Variants in MPP7 observed in about 807,000 individuals in gnomAD.
MPP7 encodes the protein MAGUK p55 scaffold protein 7.
MPP7 carries 60 observed loss-of-function variants against 76.5 expected under a neutral mutation model. The observed-to-expected ratio is 0.78, with a 90% confidence interval of 0.64 to 0.97. The LOEUF (loss-of-function observed/expected upper bound fraction) is 0.97. MPP7 is among the 50% of genes least tolerant of loss of function. The pLI, the probability that MPP7 is intolerant of heterozygous loss-of-function variation, is 0.00. For missense variants in MPP7, 641 were observed against 694.0 expected (o/e 0.92, Z 0.86); for synonymous variants, 237 against 244.5 (o/e 0.97, Z 0.29).
At chr10:28,097,748 T>C (rs1853637197) in intron 11 of MPP7, among the ~76,000 whole-genome samples, 1 of 152,076 alleles carries the variant, frequency 6.6e-6, no homozygotes, top group Non-Finnish European at 1.5e-5. Context: ...GTTTTCCAAA[T>C]AAGGAAATAA....
At chr10:28,191,769 T>C (rs934383744) in intron 3 of MPP7, among the ~76,000 whole-genome samples, 4 of 152,202 alleles carry the variant, frequency 2.6e-5, no homozygotes, top group Non-Finnish European at 4.4e-5. Context: ...AGTAAATTAA[T>C]GTAATCTATC....
intron 1 of MPP7, among the ~76,000 whole-genome samples, chr10:28,245,474 T>A (rs184478082): frequency 2.6e-5 from 4 of 152,232 alleles, no homozygotes; most frequent in Admixed American, 1.3e-4. Flanking sequence ...TATAGGGAGA[T>A]AGCACAGCCT....
At chr10:28,232,491 T>C (rs747784606) in intron 2 of MPP7, among the ~76,000 whole-genome samples, 3 of 152,102 alleles carry the variant, frequency 2.0e-5, no homozygotes, top group East Asian at 1.9e-4. Flanking sequence ...GCCAAAAATA[T>C]AGAAGAAAAA....
At chr10:28,097,275 C>T (rs545538550) in intron 11 of MPP7, among the ~76,000 whole-genome samples, 2 of 152,142 alleles carry the variant, frequency 1.3e-5, no homozygotes, top group African/African-American at 4.8e-5. Flanking sequence ...AGCCACCATA[C>T]CTCGCCTTTC....
intron 2 of MPP7, among the ~76,000 whole-genome samples, chr10:28,213,423 G>A (rs1247695033): frequency 6.6e-6 from 1 of 152,092 alleles, no homozygotes; most frequent in Non-Finnish European, 1.5e-5. Context: ...CCTGAAGATT[G>A]TTTCGCTATT....
intron 1 of MPP7, among the ~76,000 whole-genome samples, chr10:28,246,015 C>T (rs527626897): frequency 7.2e-5 from 11 of 151,914 alleles, no homozygotes; most frequent in South Asian, 4.1e-4. Context: ...GATGAATATA[C>T]GCACTATGGG....
At chr10:28,264,714 G>A (rs903790365) in intron 1 of MPP7, among the ~76,000 whole-genome samples, 3 of 152,162 alleles carry the variant, frequency 2.0e-5, no homozygotes, top group Non-Finnish European at 4.4e-5. Flanking sequence ...CACAGAGCAT[G>A]TGAAGGAAAC....
In MPP7 at chr10:28,120,258, C is replaced by T; in HGVS notation, c.823G>A (p.Ala275Thr). ...GGGTTGGCATCAGCTTCGTGTTTCG[C>T]TTGCCACCAAGTTGCATCATCTTGG... ...MSQDDATWWQ[A>T]KHEADANPRA... The change falls in exon 10 of 17, where the codon GCG becomes ACG. Residue 275 changes from alanine to threonine, a missense_variant. Ala to Thr is a moderately conservative substitution (Grantham distance 58). Coordinates refer to ENST00000683449, the MANE Select transcript of MPP7 (RefSeq NM_001318170.2). 1 of 1,614,020 alleles carries T rather than the reference C, an allele frequency of 6.2e-7. No individual in the cohort carries two copies. Among genetic ancestry groups the T allele is most frequent in the East Asian group, 2.2e-5 (1 of 44,856 alleles).
Position 28,058,603 on chromosome 10 carries a change from C to A in MPP7, c.1299G>T (p.Lys433Asn). 1.3e-6 allele frequency: 2 copies of A among 1,530,658 alleles called. No individual in the cohort carries two copies. The highest frequency in any genetic ancestry group is 1.8e-6 in the Non-Finnish European group (2 of 1,121,244). 94.8% of individuals were successfully genotyped at this position (1,530,658 alleles called of 1,614,324 possible). Residue 433 changes from lysine to asparagine, a missense_variant and splice_region_variant, in exon 15 of 17, where the codon AAG (lysine) becomes AAT (asparagine). Coordinates refer to ENST00000683449, the MANE Select transcript of MPP7 (RefSeq NM_001318170.2). ...HLFETDVQNN[K>N]FIEYGEYKNN... ...TTTTATATTCTCCATATTCAATAAACCTGTAAAAAATTAAATGCATTGGAA... is the reference window on the plus strand; with the variant it reads ...TTTTATATTCTCCATATTCAATAAAACTGTAAAAAATTAAATGCATTGGAA...
chr10:28,140,752 TCTGGAAGAGCTTGAAAG>T (rs1447485738), intron 5 of MPP7, among the ~76,000 whole-genome samples: 1 of 152,062 alleles, frequency 6.6e-6, no homozygotes, highest in Non-Finnish European at 1.5e-5. Context: ...ATGAAGTAAT[TCTGGAAGAGCTTGAAAG>T]CTGGATTAAA....
intron 2 of MPP7, among the ~76,000 whole-genome samples, chr10:28,205,028 C>A (rs1837905980): frequency 6.6e-6 from 1 of 152,124 alleles, no homozygotes; most frequent in African/African-American, 2.4e-5. Context: ...AACCAGAGTT[C>A]TCTGGTTTTT....
intron 2 of MPP7, among the ~76,000 whole-genome samples, chr10:28,227,218 A>G (rs1340130308): frequency 6.6e-6 from 1 of 152,220 alleles, no homozygotes; most frequent in African/African-American, 2.4e-5. Flanking sequence ...TCCCAAAAAG[A>G]AGGTTTTCCC....
chr10:28,070,346 C>T (rs980843730), intron 12 of MPP7, among the ~76,000 whole-genome samples: 1 of 152,134 alleles, frequency 6.6e-6, no homozygotes, highest in African/African-American at 2.4e-5. Context: ...TTGCAGTGAG[C>T]CGAGATCGCG....
chr10:28,149,973 C>CT lies in MPP7; in HGVS notation c.234+8_234+9insA, dbSNP rs759908084. The CT allele has an allele frequency of 1.9e-6, 3 of 1,611,864 alleles. No individual in the cohort carries two copies. The highest frequency in any genetic ancestry group is 2.5e-6 in the Non-Finnish European group (3 of 1,179,058). On this transcript the variant is annotated intron_variant, in intron 4 of 16. Transcript: ENST00000683449. ...ACACATCCCAGTGAGCTCGGAGAGT[C>CT]ACACTTACATCATCGGCCAAGGCCG... is the stretch of plus-strand genomic sequence containing the variant.
chr10:28,251,923 A>T (rs560376017), intron 1 of MPP7, among the ~76,000 whole-genome samples: 53 of 152,288 alleles, frequency 3.5e-4, no homozygotes, highest in African/African-American at 1.2e-3. Flanking sequence ...ACAACAAAAA[A>T]AAACTTTTTC....
intron 2 of MPP7, among the ~76,000 whole-genome samples, chr10:28,206,916 G>GT (rs1271348807): frequency 6.6e-6 from 1 of 151,720 alleles, no homozygotes; most frequent in African/African-American, 2.4e-5. Flanking sequence ...TCTTTGCAAC[G>GT]TTTTTTTTCT....
chr10:28,125,593 G>A (rs1296270885), intron 6 of MPP7, among the ~76,000 whole-genome samples: 1 of 150,674 alleles, frequency 6.6e-6, no homozygotes. Context: ...AGTTATCATA[G>A]TAAAAAAATA....
At chr10:28,095,302 C>A (rs546664194) in intron 11 of MPP7, among the ~76,000 whole-genome samples, 16 of 150,850 alleles carry the variant, frequency 1.1e-4, no homozygotes, top group Non-Finnish European at 2.2e-4. Context: ...AAATTGCCAG[C>A]CCAGACAACC....
At chr10:28,329,004 G>A (rs1308115452) in intron 2 of MPP7, among the ~76,000 whole-genome samples, 1 of 152,064 alleles carries the variant, frequency 6.6e-6, no homozygotes, top group African/African-American at 2.4e-5. Context: ...GTATTATAAA[G>A]GTACTGATAT....
Sources: gnomAD v4.1 joint callset for allele counts (sites outside exome capture counted in the v4.1 genomes callset) on GRCh38, gnomAD v4.1.1 for gene constraint, MANE v1.5 for transcripts, NCBI Gene and HGNC (gene_info 2026-07-23, HGNC 2026-07-21) for gene names.